The following KSR2 variants were observed in gnomAD, a reference collection of about 807,000 sequenced individuals.
KSR2 encodes the protein kinase suppressor of ras 2.
In KSR2, 25 loss-of-function variants were observed where a neutral mutation model predicts 107.8. That is an observed-to-expected ratio of 0.23 (90% confidence interval 0.17 to 0.32). The LOEUF (loss-of-function observed/expected upper bound fraction) is 0.32, where lower values mean the gene tolerates loss of function less well. KSR2 is among the 10% of genes least tolerant of loss of function. The probability of loss-of-function intolerance (pLI) is 1.00; values close to 1 mark genes in which losing one functional copy is unlikely to be tolerated. For missense variants in KSR2, 887 were observed against 1,268.9 expected (o/e 0.70, Z 4.57); for synonymous variants, 480 against 507.0 (o/e 0.95, Z 0.71).
At chr12:117,943,926 T>G (rs1200889393) in intron 1 of KSR2, among the ~76,000 whole-genome samples, 1 of 152,202 alleles carries the variant, frequency 6.6e-6, no homozygotes, top group Admixed American at 6.5e-5. Flanking sequence ...TCATTCACTC[T>G]TGCCTGCTGT....
At position 117,742,194 on chromosome 12, in the gene KSR2, C is replaced by A. The variant is rs140235867; in HGVS notation, c.986+18817G>T. Among the ~76,000 whole-genome samples the A allele has an allele frequency of 8.5e-5, 13 of 152,192 alleles. No individual in the cohort carries two copies. The East Asian group carries it at 2.3e-3, about 27-fold the overall frequency. On this transcript the variant is annotated intron_variant, in intron 4 of 19. Transcript: ENST00000339824. ...GATAGCCTACAGGAGAAAGCAAGTC[C>A]CAGGAATTGTTCCTGATTAAAGGAA...
intron 9 of KSR2, among the ~76,000 whole-genome samples, chr12:117,554,749 G>GT (rs1877540237): frequency 6.6e-6 from 1 of 152,152 alleles, no homozygotes. Context: ...ACATAGAACT[G>GT]TGAGTCCATG....
At chr12:117,565,827 G>A (rs1408218060) in intron 7 of KSR2, among the ~76,000 whole-genome samples, 11 of 152,176 alleles carry the variant, frequency 7.2e-5, no homozygotes, top group African/African-American at 2.7e-4. Context: ...GTGTAATCAT[G>A]TGATATATAA....
At chr12:117,534,853 G>A (rs768561507) in intron 10 of KSR2, among the ~76,000 whole-genome samples, 8 of 152,010 alleles carry the variant, frequency 5.3e-5, no homozygotes, top group Non-Finnish European at 7.4e-5. Context: ...GAGGAGGGGC[G>A]ACAAGCAAAG....
chr12:117,697,421 C>T (rs1231643047), intron 4 of KSR2, among the ~76,000 whole-genome samples: 2 of 152,122 alleles, frequency 1.3e-5, no homozygotes, highest in East Asian at 1.9e-4. Flanking sequence ...TAGAAATATG[C>T]ATTTTCTACG....
intron 7 of KSR2, among the ~76,000 whole-genome samples, chr12:117,567,340 A>G (rs983810234): frequency 6.6e-5 from 10 of 152,118 alleles, no homozygotes; most frequent in African/African-American, 2.4e-4. Flanking sequence ...GAGTGGGCAC[A>G]TGACCTGCCA....
intron 3 of KSR2, among the ~76,000 whole-genome samples, chr12:117,841,553 C>A (rs778805990): frequency 1.2e-4 from 19 of 152,176 alleles, no homozygotes; most frequent in Admixed American, 5.2e-4. Context: ...TTACATGCAG[C>A]CTTTAAATAA....
At chr12:117,754,850 C>G (rs542948814) in intron 4 of KSR2, among the ~76,000 whole-genome samples, 49 of 152,236 alleles carry the variant, frequency 3.2e-4, no homozygotes, top group African/African-American at 1.1e-3. Context: ...AACCCAAGAC[C>G]TCCTTTGGTA....
rs566022849 is a variant in KSR2, at chr12:117,829,067, G to T, written c.472+26361C>A. Among the ~76,000 whole-genome samples the T allele has an allele frequency of 2.0e-3, 309 of 152,230 alleles. 1 individual carries two copies. Among genetic ancestry groups the T allele is most frequent in the Non-Finnish European group, 3.4e-3 (228 of 68,022 alleles). ...TCAACCACACACCACCCCTTAAGTT[G>T]CTCCTTGAAGCTAATCACCATGGAA... On this transcript the variant is annotated intron_variant, in intron 3 of 19. Transcript: ENST00000339824.
intron 4 of KSR2, among the ~76,000 whole-genome samples, chr12:117,703,093 A>G (rs1359439225): frequency 6.6e-6 from 1 of 152,224 alleles, no homozygotes; most frequent in Non-Finnish European, 1.5e-5. Flanking sequence ...GAAGAAAGCC[A>G]GGATCAAACC....
intron 3 of KSR2, among the ~76,000 whole-genome samples, chr12:117,790,483 T>C (rs1402797635): frequency 6.6e-6 from 1 of 152,152 alleles, no homozygotes; most frequent in Non-Finnish European, 1.5e-5. Context: ...CAATCAGATA[T>C]GCATTTGTCT....
At chr12:117,572,826 G>C (rs1378792074) in intron 7 of KSR2, among the ~76,000 whole-genome samples, 3 of 152,166 alleles carry the variant, frequency 2.0e-5, no homozygotes, top group African/African-American at 7.2e-5. Context: ...TAGGGGTAGA[G>C]AGGTTTCCAA....
intron 5 of KSR2, among the ~76,000 whole-genome samples, chr12:117,640,935 G>A (rs370248923): frequency 5.3e-5 from 8 of 152,260 alleles, no homozygotes; most frequent in East Asian, 3.9e-4. Flanking sequence ...ACTGGGAAAC[G>A]GACTCATTAG....
intron 1 of KSR2, among the ~76,000 whole-genome samples, chr12:117,909,702 A>C (rs146282494): frequency 1.3e-5 from 2 of 152,122 alleles, no homozygotes; most frequent in African/African-American, 4.8e-5. Flanking sequence ...CAGGAGTTCA[A>C]GACCAGCCTG....
intron 1 of KSR2, among the ~76,000 whole-genome samples, chr12:117,911,263 G>C (rs575928261): frequency 6.6e-6 from 1 of 151,782 alleles, no homozygotes; most frequent in East Asian, 1.9e-4. Context: ...GACTTGCTTT[G>C]GCCAATGGAA....
intron 14 of KSR2, among the ~76,000 whole-genome samples, chr12:117,490,657 A>T (rs181266143): frequency 9.2e-4 from 140 of 152,254 alleles, no homozygotes; most frequent in African/African-American, 3.2e-3. Context: ...CAGTCTCCCA[A>T]AGTGCTGGGA....
At chr12:117,561,964 G>A (rs985364655) in intron 7 of KSR2, among the ~76,000 whole-genome samples, 1 of 152,180 alleles carries the variant, frequency 6.6e-6, no homozygotes, top group African/African-American at 2.4e-5. Flanking sequence ...CAAGGCTAAT[G>A]CAGCCTCTCT....
At chr12:117,683,477 G>C (rs1254818508) in intron 4 of KSR2, among the ~76,000 whole-genome samples, 2 of 152,142 alleles carry the variant, frequency 1.3e-5, no homozygotes, top group East Asian at 3.9e-4. Context: ...ATGTAGTTAG[G>C]TATAAATTCC....
chr12:117,599,867 G>A (rs758905971), intron 5 of KSR2, among the ~76,000 whole-genome samples: 1 of 152,164 alleles, frequency 6.6e-6, no homozygotes, highest in Non-Finnish European at 1.5e-5. Context: ...CATGGTGGGG[G>A]AGACAACGGA....
Sources: gnomAD v4.1 joint callset for allele counts (sites outside exome capture counted in the v4.1 genomes callset) on GRCh38, gnomAD v4.1.1 for gene constraint, MANE v1.5 for transcripts, NCBI Gene and HGNC (gene_info 2026-07-23, HGNC 2026-07-21) for gene names.